Variants in PRUNE2 observed in about 807,000 individuals in gnomAD.
PRUNE2 encodes prune homolog 2 with BCH domain.
A neutral mutation model predicts 252.0 loss-of-function variants in PRUNE2; 164 were observed. The observed-to-expected ratio is 0.65, with a 90% CI of 0.57 to 0.74. PRUNE2 has a LOEUF of 0.74. Among genes scored for constraint, PRUNE2 ranks in the 30% least tolerant of loss-of-function variants. The probability of loss-of-function intolerance (pLI) is 0.00; values close to 1 mark genes in which losing one functional copy is unlikely to be tolerated. For missense variants in PRUNE2, 3,495 were observed against 3,711.0 expected, an observed-to-expected ratio of 0.94 and a Z score of 1.51; for synonymous variants, 1,292 against 1,350.2, an observed-to-expected ratio of 0.96 and a Z score of 0.94.
intron 6 of PRUNE2, among the ~76,000 whole-genome samples, chr9:76,744,363 G>C (rs1391050495): frequency 2.0e-5 from 3 of 152,194 alleles, no homozygotes; most frequent in Non-Finnish European, 2.9e-5. Flanking sequence ...CCACAGTAGA[G>C]AGAGGCCTCA....
At chr9:76,667,894 G>C (rs897108616) in intron 9 of PRUNE2, among the ~76,000 whole-genome samples, 1 of 152,200 alleles carries the variant, frequency 6.6e-6, no homozygotes, top group African/African-American at 2.4e-5. Flanking sequence ...GCATAGGTAT[G>C]GCTGTGTTCC....
intron 6 of PRUNE2, among the ~76,000 whole-genome samples, chr9:76,799,630 A>C (rs2056398792): frequency 6.6e-6 from 1 of 152,210 alleles, no homozygotes; most frequent in Non-Finnish European, 1.5e-5. Context: ...CAGAACATGA[A>C]ACAACTTTGA....
intron 9 of PRUNE2, among the ~76,000 whole-genome samples, chr9:76,687,976 T>C (rs1030766802): frequency 6.6e-6 from 1 of 152,212 alleles, no homozygotes; most frequent in African/African-American, 2.4e-5. Context: ...GGATAGATTA[T>C]ATCTGAACTC....
At chr9:76,721,514 T>TTTTG (rs980808625) in intron 6 of PRUNE2, among the ~76,000 whole-genome samples, 7 of 152,228 alleles carry the variant, frequency 4.6e-5, no homozygotes, top group Admixed American at 4.6e-4. Flanking sequence ...TTCTGGGTTT[T>TTTTG]TTTGTTTGTT....
At chr9:76,877,629 C>A (rs942684202) in intron 1 of PRUNE2, among the ~76,000 whole-genome samples, 2 of 152,154 alleles carry the variant, frequency 1.3e-5, no homozygotes, top group African/African-American at 4.8e-5. Flanking sequence ...ATCCCCCCAG[C>A]TGCTGAATAT....
chr9:76,866,797 A>G (rs1232637517), intron 1 of PRUNE2, among the ~76,000 whole-genome samples: 2 of 151,860 alleles, frequency 1.3e-5, no homozygotes, highest in Non-Finnish European at 2.9e-5. Context: ...AGCGAGAGAG[A>G]ATGGAAGGAA....
intron 6 of PRUNE2, among the ~76,000 whole-genome samples, chr9:76,768,340 G>A (rs1374584234): frequency 6.6e-6 from 1 of 152,118 alleles, no homozygotes; most frequent in Non-Finnish European, 1.5e-5. Context: ...TTACAGGCCT[G>A]CGCCACTGTG....
In PRUNE2 at chr9:76,708,522, T is replaced by G; in HGVS notation, c.3752A>C (p.Glu1251Ala). The G allele has an allele frequency of 6.2e-7, 1 of 1,613,974 alleles. No homozygotes were observed. Among genetic ancestry groups the G allele is most frequent in the Non-Finnish European group, 8.5e-7 (1 of 1,179,884 alleles). The change falls in exon 8 of 19, where the codon GAA (glutamate) becomes GCA (alanine). Residue 1251 changes from glutamate (E) to alanine (A), a missense_variant. Transcript: ENST00000376718. ...TDSEQRELPP[E>A]IPSHSANVKD... ...AACATTTGCTGAATGGCTGGGGATT[T>G]CAGGAGGCAATTCCCTTTGCTCTGA...
At position 76,655,411 on chromosome 9, in the gene PRUNE2, T is replaced by C; in HGVS notation, c.8356+12A>G. On this transcript the variant is annotated intron_variant, in intron 10 of 18. Coordinates refer to ENST00000376718, the MANE Select transcript of PRUNE2 (RefSeq NM_015225.3). ...AATACCAACGAAGGAAATGAACAAA[T>C]GCTGCTCTCACCAGGCCTCATGTCT... is the stretch of plus-strand genomic sequence containing the variant. 6.3e-7 allele frequency: 1 copy of C among 1,599,174 alleles called. No homozygotes were observed. Among genetic ancestry groups the C allele is most frequent in the African/African-American group, 1.3e-5 (1 of 74,770 alleles).
Position 76,613,360 on chromosome 9 carries a change from G to T in PRUNE2, c.*1210C>A, listed in dbSNP as rs1047876138. On this transcript the variant is annotated 3_prime_UTR_variant, in exon 19 of 19. Transcript: ENST00000376718. ...GTCTGCTGAACTGCTCAGCTCTGCG[G>T]CTGTAGTGTGAAAGTAGCTGTAGAC... 1.3e-5 allele frequency: 2 copies of T among 152,216 alleles called. No homozygotes were observed. Among genetic ancestry groups the T allele is most frequent in the African/African-American group, 2.4e-5 (1 of 41,450 alleles). The allele number at this position is 152,216 out of a possible 1,614,324, so 9.4% of individuals were successfully genotyped here. A position where few individuals can be genotyped will look rare whatever the true frequency, so the allele number is the denominator to read the frequency against.
At position 76,615,746 on chromosome 9, in the gene PRUNE2, T is replaced by G. The variant is rs189775209; in HGVS notation, c.9237-1146A>C. Among the ~76,000 whole-genome samples the G allele has an allele frequency of 1.8e-3, 269 of 151,102 alleles. 2 individuals carry two copies. The highest frequency in any genetic ancestry group is 6.8e-3 in the Middle Eastern group (2 of 294). The stretch of plus-strand genomic sequence containing the variant: ...AGCAATAGTACCTCGGTGGATTTTT[T>G]TTGTTGTTGTTTTGTGTGTGTGGTT... On this transcript the variant is annotated intron_variant, in intron 18 of 18. Transcript: ENST00000376718.
intron 9 of PRUNE2, among the ~76,000 whole-genome samples, chr9:76,697,453 A>T (rs2045496331): frequency 6.6e-6 from 1 of 152,168 alleles, no homozygotes; most frequent in East Asian, 1.9e-4. Context: ...ACAGATGGGG[A>T]GCAGCCCACT....
At chr9:76,615,352 G>A in intron 18 of PRUNE2, 2 of 500,622 alleles carry the variant, frequency 4.0e-6, no homozygotes, top group Non-Finnish European at 5.2e-6. Context: ...ACGTATCTGT[G>A]GATTTTGCTT....
chr9:76,687,361 A>G (rs1176120085), intron 9 of PRUNE2, among the ~76,000 whole-genome samples: 2 of 152,230 alleles, frequency 1.3e-5, no homozygotes, highest in South Asian at 2.1e-4. Flanking sequence ...TGGATGTAGA[A>G]AAATATAATT....
chr9:76,633,129 G>A (rs538535532), intron 15 of PRUNE2, among the ~76,000 whole-genome samples: 1 of 152,250 alleles, frequency 6.6e-6, no homozygotes, highest in South Asian at 2.1e-4. Context: ...GGTGGAGGCA[G>A]GAGAATCGCT....
At chr9:76,801,849 T>G (rs934982658) in intron 6 of PRUNE2, among the ~76,000 whole-genome samples, 3 of 152,086 alleles carry the variant, frequency 2.0e-5, no homozygotes, top group Non-Finnish European at 2.9e-5. Flanking sequence ...AGGGCATCAA[T>G]AAAACAACTA....
chr9:76,845,457 C>G (rs1042668990), intron 4 of PRUNE2, among the ~76,000 whole-genome samples: 1 of 152,172 alleles, frequency 6.6e-6, no homozygotes, highest in African/African-American at 2.4e-5. Flanking sequence ...AATGGTTGTG[C>G]TTACTTAGTT....
intron 6 of PRUNE2, among the ~76,000 whole-genome samples, chr9:76,814,044 C>T (rs1307713131): frequency 6.6e-6 from 1 of 152,180 alleles, no homozygotes; most frequent in African/African-American, 2.4e-5. Flanking sequence ...TAACTCCCAG[C>T]CTCAGGTGAT....
rs568216355 is a variant in PRUNE2, at chr9:76,761,561, C to T, written c.757-47840G>A. 4.6e-5 allele frequency among the ~76,000 whole-genome samples: 7 copies of T among 152,218 alleles called. No homozygotes were observed. In the East Asian group the frequency reaches 5.8e-4, roughly 13 times the overall value. Reference sequence around the variant, plus strand: ...AATTTTATCTCTGGACATCAAAGCCCGGGGTCAAATGATTGCTTTTCTCTT... The same window carrying T: ...AATTTTATCTCTGGACATCAAAGCCTGGGGTCAAATGATTGCTTTTCTCTT... On this transcript the variant is annotated intron_variant, in intron 6 of 18. Transcript: ENST00000376718.
Sources: allele counts gnomAD v4.1 joint callset (sites outside exome capture counted in the v4.1 genomes callset), GRCh38; gene constraint gnomAD v4.1.1; transcripts MANE v1.5; gene names NCBI Gene and HGNC (gene_info 2026-07-23, HGNC 2026-07-21).